The following GAB2 variants were observed in gnomAD, a reference collection of about 807,000 sequenced individuals.
GAB2 encodes GRB2-associated-binding protein 2.
GAB2 carries 26 observed loss-of-function variants against 65.5 expected under a neutral mutation model. The observed-to-expected ratio is 0.40, with a 90% CI of 0.29 to 0.55. The LOEUF is 0.55. GAB2 is among the 20% of genes least tolerant of loss of function. GAB2 has a pLI of 0.53. For missense variants in GAB2, 884 were observed against 875.8 expected, an observed-to-expected ratio of 1.01 and a Z score of -0.12; for synonymous variants, 321 against 329.6, an observed-to-expected ratio of 0.97 and a Z score of 0.28.
chr11:78,256,094 A>C (rs1865588100), intron 2 of GAB2, among the ~76,000 whole-genome samples: 1 of 152,232 alleles, frequency 6.6e-6, no homozygotes, highest in African/African-American at 2.4e-5. Context: ...TAAAACACAA[A>C]CACCAAAAAC....
intron 1 of GAB2, among the ~76,000 whole-genome samples, chr11:78,307,802 G>C (rs1855402377): frequency 6.6e-6 from 1 of 152,180 alleles, no homozygotes; most frequent in South Asian, 2.1e-4. Flanking sequence ...ACAGTGTAAT[G>C]GTTAATTTTA....
At chr11:78,294,164 C>A (rs973202498) in intron 1 of GAB2, among the ~76,000 whole-genome samples, 3 of 152,066 alleles carry the variant, frequency 2.0e-5, no homozygotes, top group Admixed American at 6.6e-5. Context: ...TGAGAACATG[C>A]GGTGTTTGGT....
At chr11:78,332,229 T>C (rs1220179756) in intron 1 of GAB2, among the ~76,000 whole-genome samples, 5 of 152,116 alleles carry the variant, frequency 3.3e-5, no homozygotes, top group Admixed American at 6.5e-5. Flanking sequence ...GAAACTTACA[T>C]GAAAAGCAGG....
chr11:78,370,879 C>T (rs1288647385), intron 1 of GAB2, among the ~76,000 whole-genome samples: 1 of 152,120 alleles, frequency 6.6e-6, no homozygotes, highest in African/African-American at 2.4e-5. Context: ...GCTGTGTTTA[C>T]CCAGCCACTC....
intron 2 of GAB2, among the ~76,000 whole-genome samples, chr11:78,267,693 C>A (rs1865904597): frequency 6.6e-6 from 1 of 151,362 alleles, no homozygotes; most frequent in African/African-American, 2.4e-5. Context: ...CCCGTCGCTA[C>A]TAAAAATACA....
At chr11:78,247,777 A>T (rs1865338300) in intron 3 of GAB2, among the ~76,000 whole-genome samples, 1 of 152,224 alleles carries the variant, frequency 6.6e-6, no homozygotes, top group Non-Finnish European at 1.5e-5. Context: ...CACTACTACA[A>T]GAAAATATAT....
At chr11:78,222,039 T>C in intron 7 of GAB2, 66 bp downstream of exon 7, 1 of 1,025,282 alleles carries the variant, frequency 9.8e-7, no homozygotes, top group African/African-American at 1.6e-5. Context: ...ACAGGCCAGC[T>C]ACCACATCAC....
chr11:78,287,208 G>T (rs965920095), intron 1 of GAB2, among the ~76,000 whole-genome samples: 4 of 152,176 alleles, frequency 2.6e-5, no homozygotes, highest in African/African-American at 4.8e-5. Flanking sequence ...AGAAAAACAG[G>T]AACAGAGGGG....
rs768816739 is a variant in GAB2, at chr11:78,223,603, G to A, written c.1376C>T (p.Ser459Phe). ...EDNYVPMNPGSSTLLAMERAG... is the reference protein window; with the variant it reads ...EDNYVPMNPGFSTLLAMERAG... Reference sequence around the variant, plus strand: ...TCGTTCCATGGCCAACAGGGTGGAAGAACCTGGATTCATGGGCACATAGTT... The same window carrying A: ...TCGTTCCATGGCCAACAGGGTGGAAAAACCTGGATTCATGGGCACATAGTT... The change falls in exon 6 of 10, where the codon TCT becomes TTT. Residue 459 changes from serine to phenylalanine, a missense_variant. Coordinates refer to ENST00000361507, the MANE Select transcript of GAB2 (RefSeq NM_080491.3). The A allele has an allele frequency of 8.1e-6, 13 of 1,613,534 alleles. No individual in the cohort carries two copies. Among genetic ancestry groups the A allele is most frequent in the South Asian group, 1.1e-5 (1 of 91,006 alleles).
chr11:78,294,398 T>C (rs936165279), intron 1 of GAB2, among the ~76,000 whole-genome samples: 2 of 152,328 alleles, frequency 1.3e-5, no homozygotes, highest in African/African-American at 4.8e-5. Context: ...GTCTTTATAG[T>C]AGCATGATTT....
At chr11:78,231,316 G>C (rs1864840687) in intron 3 of GAB2, among the ~76,000 whole-genome samples, 1 of 145,562 alleles carries the variant, frequency 6.9e-6, no homozygotes, top group African/African-American at 2.8e-5. Flanking sequence ...CTCTCCCTTG[G>C]TGCGCGCGCG....
rs189781581 is a variant in GAB2 at position 78,274,332 on chromosome 11, T to C, written c.376+6269A>G. ...AGGAAAGAAAGGAAAAGAGGGAGTA[T>C]CTGCTTGAAAGAGGCTCCACATATG... On this transcript the variant is annotated intron_variant, in intron 2 of 9. Transcript: ENST00000361507. 2.6e-5 allele frequency among the ~76,000 whole-genome samples: 4 copies of C among 152,184 alleles called. No individual in the cohort carries two copies. The South Asian group carries it at 8.3e-4, about 32-fold the overall frequency.
At chr11:78,417,002 T>C (rs1423218459) in intron 1 of GAB2, among the ~76,000 whole-genome samples, 1 of 148,116 alleles carries the variant, frequency 6.8e-6, no homozygotes, top group Non-Finnish European at 1.5e-5. Flanking sequence ...GGGACCAAAC[T>C]GCAGTGTCAC....
At chr11:78,269,051 AG>A (rs1865943707) in intron 2 of GAB2, among the ~76,000 whole-genome samples, 1 of 151,536 alleles carries the variant, frequency 6.6e-6, no homozygotes, top group Non-Finnish European at 1.5e-5. Flanking sequence ...TTTTTTTTAA[AG>A]GAATTAGAAT....
chr11:78,222,636 G>A (rs1362009813), intron 6 of GAB2, among the ~76,000 whole-genome samples: 1 of 151,716 alleles, frequency 6.6e-6, no homozygotes, highest in Non-Finnish European at 1.5e-5. Context: ...AGGCTGGAGT[G>A]CAGCGGCGCA....
chr11:78,331,882 A>G (rs1855920631), intron 1 of GAB2, among the ~76,000 whole-genome samples: 1 of 152,152 alleles, frequency 6.6e-6, no homozygotes, highest in African/African-American at 2.4e-5. Flanking sequence ...TTTATAGCCC[A>G]GAGGACACCA....
chr11:78,350,783 G>C lies in GAB2; in HGVS notation c.75+66863C>G, dbSNP rs534424762. ...TTTGCTTCCCCTTCACACACGTTAA[G>C]AATTCACCACAGGAACATGTGCTTT... On this transcript the variant is annotated intron_variant, in intron 1 of 9. Coordinates refer to ENST00000361507, the MANE Select transcript of GAB2 (RefSeq NM_080491.3). Among the ~76,000 whole-genome samples the C allele has an allele frequency of 3.8e-4, 58 of 152,266 alleles. 1 individual carries two copies. Among genetic ancestry groups the C allele is most frequent in the Middle Eastern group, 6.8e-3 (2 of 294 alleles).
rs1480032905 is a variant in GAB2 at position 78,292,335 on chromosome 11, A to G, written c.76-11434T>C. Among the ~76,000 whole-genome samples, 3 of 152,228 alleles carry G rather than the reference A, an allele frequency of 2.0e-5. No individual in the cohort carries two copies. In the East Asian group the frequency reaches 5.8e-4, roughly 29 times the overall value. On this transcript the variant is annotated intron_variant, in intron 1 of 9. Transcript: ENST00000361507. ...TCTTGCCCCTTCTACAACCTTAGCC[A>G]CAAGGCACGTGAGATTTGGTATCAG... is the stretch of plus-strand genomic sequence containing the variant.
rs759845162 is a variant in GAB2 at position 78,222,192 on chromosome 11, T to G, written c.1571A>C (p.Lys524Thr). 2 of 1,612,060 alleles carry G rather than the reference T, an allele frequency of 1.2e-6. No homozygotes were observed. The highest frequency in any genetic ancestry group is 2.2e-5 in the South Asian group (2 of 91,052). The part of the protein sequence containing the change: ...NRNLKPDRKA[K>T]PTPLDLRNNT... ...GTTCCTCAGGTCAAGTGGTGTTGGC[T>G]TTGCTGGAGCAGGAAAAGAAAGTCT... Residue 524 changes from lysine to threonine, a missense_variant, in exon 7 of 10, where the codon AAG (lysine) becomes ACG (threonine). Transcript: ENST00000361507.
Sources: gnomAD v4.1 joint callset for allele counts (sites outside exome capture counted in the v4.1 genomes callset) on GRCh38, gnomAD v4.1.1 for gene constraint, MANE v1.5 for transcripts, NCBI Gene and HGNC (gene_info 2026-07-23, HGNC 2026-07-21) for gene names.